The following INPP5F variants were observed in gnomAD, a reference collection of about 807,000 sequenced individuals.
The protein encoded by INPP5F is phosphatidylinositide 4-phosphatase SAC2.
Under a neutral mutation model 137.2 loss-of-function variants are expected in INPP5F, and 97 were observed. That is an observed-to-expected ratio of 0.71 (90% CI 0.60 to 0.84). INPP5F has a LOEUF of 0.84. Ranked by LOEUF, INPP5F falls within the 40% of genes least tolerant of loss-of-function variation. The pLI, the probability that INPP5F is intolerant of heterozygous loss-of-function variation, is 0.00. For missense variants in INPP5F, 1,271 were observed against 1,371.9 expected, an observed-to-expected ratio of 0.93 and a Z score of 1.16; for synonymous variants, 504 against 476.9, an observed-to-expected ratio of 1.06 and a Z score of -0.74.
intron 15 of INPP5F, among the ~76,000 whole-genome samples, chr10:119,813,564 G>A (rs765380975): frequency 2.0e-5 from 3 of 152,112 alleles, no homozygotes; most frequent in Non-Finnish European, 4.4e-5. Flanking sequence ...ATTTGAGGCT[G>A]CAGTGAGCCA....
chr10:119,740,514 A>C (rs970759803), intron 1 of INPP5F, among the ~76,000 whole-genome samples: 1 of 152,198 alleles, frequency 6.6e-6, no homozygotes, highest in African/African-American at 2.4e-5. Flanking sequence ...TAATTGAAAA[A>C]TGTATTGAAG....
intron 15 of INPP5F, among the ~76,000 whole-genome samples, chr10:119,814,241 G>C (rs1270647722): frequency 6.6e-6 from 1 of 152,036 alleles, no homozygotes; most frequent in African/African-American, 2.4e-5. Flanking sequence ...AATAAAATTA[G>C]CTGGGCATGG....
rs1851824664 is a variant in INPP5F at position 119,827,632 on chromosome 10, T to C, written c.3251T>C (p.Ile1084Thr). The C allele has an allele frequency of 6.2e-7, 1 of 1,614,182 alleles. No individual in the cohort carries two copies. Among genetic ancestry groups the C allele is most frequent in the Non-Finnish European group, 8.5e-7 (1 of 1,180,032 alleles). The change falls in exon 20 of 20, where the codon ATT becomes ACT. Residue 1084 changes from isoleucine (I) to threonine (T), a missense_variant. Coordinates refer to ENST00000650623, the MANE Select transcript of INPP5F (RefSeq NM_014937.4). The stretch of plus-strand genomic sequence containing the variant: ...AGTTCCATGGTCCAGGTTGCTAGTA[T>C]TACCCAAGCTGGATTAACCCATGGG... ...IRSSMVQVAS[I>T]TQAGLTHGIN...
At chr10:119,753,212 A>G (rs566222727) in intron 2 of INPP5F, among the ~76,000 whole-genome samples, 1 of 152,314 alleles carries the variant, frequency 6.6e-6, no homozygotes, top group South Asian at 2.1e-4. Flanking sequence ...TTTAAATGAC[A>G]CGTATGAAAC....
At chr10:119,795,617 C>T (rs1490971560) in intron 6 of INPP5F, among the ~76,000 whole-genome samples, 4 of 151,644 alleles carry the variant, frequency 2.6e-5, no homozygotes, top group African/African-American at 9.7e-5. Context: ...CAGAGGGGCT[C>T]CTCACATCCC....
chr10:119,796,617 CTAATAAA>C, intron 6 of INPP5F, 91 bp from the exon 7 acceptor site: 1 of 959,910 alleles, frequency 1.0e-6, no homozygotes, highest in Non-Finnish European at 1.7e-6. Context: ...GTTTCTGCTT[CTAATAAA>C]CTGAGAAATA....
chr10:119,737,934 A>G (rs1054446546), intron 1 of INPP5F, among the ~76,000 whole-genome samples: 1 of 152,056 alleles, frequency 6.6e-6, no homozygotes, highest in Non-Finnish European at 1.5e-5. Context: ...GAAAGTGCCT[A>G]TAGGCTTCAG....
rs772338979 is a variant in INPP5F, at chr10:119,827,342, A to G, written c.2961A>G (p.Glu987=). Residue 987 remains glutamate, a synonymous_variant, in exon 20 of 20, where the codon GAA becomes GAG. Transcript: ENST00000650623. ...CTGTGTCTCAGCAGGCTAGTCAGGA[A>G]AGAAATCAAATGACCAATCAAGTTT... ...TRSVSQQASQ[E]RNQMTNQVSN... The G allele has an allele frequency of 1.4e-5, 22 of 1,614,100 alleles. No individual in the cohort carries two copies. Among genetic ancestry groups the G allele is most frequent in the Non-Finnish European group, 1.8e-5 (21 of 1,180,044 alleles).
At chr10:119,810,466 A>G (rs1316621988) in intron 14 of INPP5F, among the ~76,000 whole-genome samples, 1 of 152,192 alleles carries the variant, frequency 6.6e-6, no homozygotes, top group Non-Finnish European at 1.5e-5. Context: ...CAGGTAATAG[A>G]AAGCAGGGTT....
chr10:119,793,007 C>G (rs894184043), intron 6 of INPP5F, among the ~76,000 whole-genome samples: 1 of 152,074 alleles, frequency 6.6e-6, no homozygotes, highest in Non-Finnish European at 1.5e-5. Flanking sequence ...TCAATTGCCT[C>G]TATGGAGAAT....
intron 2 of INPP5F, among the ~76,000 whole-genome samples, chr10:119,778,576 G>A (rs1287772678): frequency 1.3e-5 from 2 of 152,072 alleles, no homozygotes; most frequent in African/African-American, 4.8e-5. Flanking sequence ...GTTTATTAAA[G>A]GTTTCTTTAG....
chr10:119,735,415 T>A (rs1288754748), intron 1 of INPP5F, among the ~76,000 whole-genome samples: 1 of 152,238 alleles, frequency 6.6e-6, no homozygotes, highest in Non-Finnish European at 1.5e-5. Context: ...AAGTTAACAC[T>A]GAATTTCAAA....
intron 3 of INPP5F, among the ~76,000 whole-genome samples, chr10:119,784,105 A>G (rs1849796497): frequency 6.6e-6 from 1 of 152,240 alleles, no homozygotes; most frequent in African/African-American, 2.4e-5. Flanking sequence ...TCACAACTTT[A>G]TTATCTTTTA....
intron 9 of INPP5F, among the ~76,000 whole-genome samples, chr10:119,801,364 G>A (rs1193509634): frequency 1.3e-5 from 2 of 152,192 alleles, no homozygotes; most frequent in African/African-American, 4.8e-5. Flanking sequence ...CATATGACAT[G>A]CATATTTGTA....
chr10:119,822,486 C>T lies in INPP5F; in HGVS notation c.2014C>T (p.Leu672=), dbSNP rs568723270. The part of the protein sequence containing the change: ...NQYQRLSLEN[L]EKIEIGPEPT... ...GTATCAACGACTAAGTCTAGAAAAC[C>T]TGGAAAAAATTGAAATAGGTAAGTT... Residue 672 remains leucine (L), a synonymous_variant, in exon 17 of 20, where the codon CTG becomes TTG. Coordinates refer to ENST00000650623, the MANE Select transcript of INPP5F (RefSeq NM_014937.4). The T allele has an allele frequency of 5.3e-6, 8 of 1,517,694 alleles. No individual in the cohort carries two copies. Among genetic ancestry groups the T allele is most frequent in the Non-Finnish European group, 2.7e-6 (3 of 1,108,312 alleles). 94.0% of individuals were successfully genotyped at this position (1,517,694 alleles called of 1,614,324 possible).
At chr10:119,758,486 A>G (rs1311853276) in intron 2 of INPP5F, among the ~76,000 whole-genome samples, 2 of 152,256 alleles carry the variant, frequency 1.3e-5, no homozygotes, top group East Asian at 3.8e-4. Context: ...ACAGACATCC[A>G]GGAAAAGACT....
At chr10:119,814,155 G>C (rs1386421844) in intron 15 of INPP5F, among the ~76,000 whole-genome samples, 4 of 152,098 alleles carry the variant, frequency 2.6e-5, no homozygotes, top group African/African-American at 9.7e-5. Flanking sequence ...ACTTTGGAAG[G>C]CTGAGGCGGG....
Position 119,804,260 on chromosome 10 carries a change from C to A in INPP5F, c.1204C>A (p.His402Asn). The change falls in exon 10 of 20, where the codon CAC (histidine) becomes AAC (asparagine). Residue 402 changes from histidine (H) to asparagine (N), a missense_variant. His to Asn is a moderately conservative substitution (Grantham distance 68). Transcript: ENST00000650623. ...GCAAGTGTTGCTTTTCAACAACTCA[C>A]ACCTCACTTACGTTTCGTTTGACTT... ...LKQVLLFNNS[H>N]LTYVSFDFHE... 6.2e-7 allele frequency: 1 copy of A among 1,612,706 alleles called. No individual in the cohort carries two copies. The highest frequency in any genetic ancestry group is 1.1e-5 in the South Asian group (1 of 90,854).
intron 1 of INPP5F, among the ~76,000 whole-genome samples, chr10:119,740,452 T>C (rs1375348499): frequency 6.6e-6 from 1 of 152,240 alleles, no homozygotes; most frequent in African/African-American, 2.4e-5. Flanking sequence ...GCGTGAAGCA[T>C]TTATTACTCT....
Sources: allele counts gnomAD v4.1 joint callset (sites outside exome capture counted in the v4.1 genomes callset), GRCh38; gene constraint gnomAD v4.1.1; transcripts MANE v1.5; gene names NCBI Gene and HGNC (gene_info 2026-07-23, HGNC 2026-07-21).